Variants in GCC2 observed in about 807,000 individuals in gnomAD.
GCC2 encodes the protein GRIP and coiled-coil domain-containing protein 2.
Under a neutral mutation model 210.6 loss-of-function variants are expected in GCC2, and 120 were observed. That is an observed-to-expected ratio of 0.57 (90% confidence interval 0.49 to 0.66). The LOEUF (loss-of-function observed/expected upper bound fraction) is 0.66. GCC2 is among the 30% of genes least tolerant of loss of function. The pLI is 0.00. For synonymous variants in GCC2, 703 were observed against 652.7 expected (o/e 1.08, Z -1.17); for missense variants, 1,868 against 1,871.9 (o/e 1.00, Z 0.04).
intron 4 of GCC2, among the ~76,000 whole-genome samples, chr2:108,452,814 C>T (rs578087650): frequency 2.5e-4 from 38 of 151,624 alleles, no homozygotes; most frequent in African/African-American, 9.0e-4. Flanking sequence ...CTGCCTCAGC[C>T]TTCCAAATAG....
At chr2:108,475,908 TAAGAAATGTA>T (rs1192109649) in intron 9 of GCC2, 58 bp downstream of exon 9, 2 of 872,650 alleles carry the variant, frequency 2.3e-6, no homozygotes, top group Non-Finnish European at 3.6e-6. Flanking sequence ...ACTTCTAAGT[TAAGAAATGTA>T]GTGGAAATGT....
At chr2:108,452,504 A>G in intron 4 of GCC2, 38 bp downstream of exon 4, 1 of 1,205,394 alleles carries the variant, frequency 8.3e-7, no homozygotes, top group Non-Finnish European at 1.2e-6. Flanking sequence ...AGAGAAATAA[A>G]ATTTCCCTGA....
intron 9 of GCC2, among the ~76,000 whole-genome samples, chr2:108,476,602 C>T (rs1681538633): frequency 1.3e-5 from 2 of 151,848 alleles, no homozygotes; most frequent in South Asian, 4.2e-4. Context: ...AGTATGTTTA[C>T]CTTAGTAACA....
chr2:108,478,376 AAC>A (rs1422335490), intron 9 of GCC2, among the ~76,000 whole-genome samples: 21 of 152,232 alleles, frequency 1.4e-4, no homozygotes, highest in Admixed American at 1.3e-3. Flanking sequence ...CACTTTTAAA[AAC>A]ACATGTACCT....
Position 108,483,144 on chromosome 2 carries a change from A to G in GCC2, c.3428A>G (p.Gln1143Arg), listed in dbSNP as rs2104478732. The stretch of plus-strand genomic sequence containing the variant: ...AAGAAACAGCTTCAGAAAACCATGC[A>G]AGAATTAGAGCTGGTTAAAAAGGTA... ...KQKKQLQKTM[Q>R]ELELVKKDAQ... The change falls in exon 12 of 23, where the codon CAA (glutamine) becomes CGA (arginine). Residue 1143 changes from glutamine (Q) to arginine (R), a missense_variant. Physicochemically the swap from Gln to Arg is conservative, Grantham distance 43 (BLOSUM62 1). Around this residue, in one of 3 missense-constraint regions of GCC2, gnomAD observed 1,847 missense variants for 1,765.2 expected, o/e 1.05. Transcript: ENST00000309863. The G allele has an allele frequency of 2.0e-6, 3 of 1,537,516 alleles. No individual in the cohort carries two copies. The highest frequency in any genetic ancestry group is 2.2e-5 in the South Asian group (2 of 89,344).
At position 108,488,818 on chromosome 2, in the gene GCC2, A is replaced by C. The variant is rs112145586; in HGVS notation, c.4052+998A>C. ...ATTATTCTGAAATTTTTGTATGTTT[A>C]TGTTTCTGTTACTTTCATTTAGGAA... On this transcript the variant is annotated intron_variant, in intron 17 of 22. Coordinates refer to ENST00000309863, the MANE Select transcript of GCC2 (RefSeq NM_181453.4). Among the ~76,000 whole-genome samples, 615 of 152,270 alleles carry C rather than the reference A, an allele frequency of 4.0e-3. 4 individuals carry two copies. The highest frequency in any genetic ancestry group is 0.014 in the African/African-American group (577 of 41,544).
chr2:108,478,236 CTT>C (rs199561350), intron 9 of GCC2, among the ~76,000 whole-genome samples: 5 of 98,110 alleles, frequency 5.1e-5, no homozygotes, highest in Non-Finnish European at 1.1e-4. Flanking sequence ...CATACTAATT[CTT>C]TGTCATGTAT....
At chr2:108,497,897 T>C (rs3872546) in intron 21 of GCC2, among the ~76,000 whole-genome samples, 3 of 152,208 alleles carry the variant, frequency 2.0e-5, no homozygotes, top group East Asian at 1.9e-4. Flanking sequence ...GAACAAAATT[T>C]AAACCCATAG....
intron 4 of GCC2, among the ~76,000 whole-genome samples, chr2:108,456,023 C>T (rs910485769): frequency 1.3e-5 from 2 of 151,788 alleles, no homozygotes; most frequent in East Asian, 1.9e-4. Flanking sequence ...CTTGCTCTGT[C>T]GCCCAGGCTG....
At chr2:108,484,663 T>G (rs1682038030) in intron 13 of GCC2, 1 of 153,102 alleles carries the variant, frequency 6.5e-6, no homozygotes, top group African/African-American at 2.4e-5. Context: ...CCCAGCACCA[T>G]TTATTAAATA....
chr2:108,489,782 A>G, intron 17 of GCC2, 56 bp from the exon 18 acceptor site: 1 of 1,254,546 alleles, frequency 8.0e-7, no homozygotes, highest in East Asian at 2.5e-5. Context: ...ATTTAAAACC[A>G]CAAAATCAAA....
At chr2:108,506,876 A>G (rs11123701) in intron 22 of GCC2, among the ~76,000 whole-genome samples, 58,023 of 151,656 alleles carry the variant, frequency 0.38, 12,679 homozygotes, top group East Asian at 0.89. Context: ...TCAGAATAGA[A>G]GAAGAATTTC....
chr2:108,473,043 C>T, intron 7 of GCC2, 144 bp downstream of exon 7: 1 of 526,078 alleles, frequency 1.9e-6, no homozygotes, highest in South Asian at 2.9e-5. Context: ...CACATTCTTG[C>T]CCCTCTAACA....
intron 3 of GCC2, among the ~76,000 whole-genome samples, chr2:108,451,918 A>G (rs950468060): frequency 3.0e-4 from 42 of 138,340 alleles, no homozygotes; most frequent in African/African-American, 1.1e-3. Context: ...ATCTCGGCTT[A>G]CTGCAACCTC....
Position 108,470,992 on chromosome 2 carries a change from C to T in GCC2, c.1663C>T (p.Pro555Ser), listed in dbSNP as rs763988821. The stretch of plus-strand genomic sequence containing the variant: ...GTTACTATCTCAACAAGAATTGGTA[C>T]CAGAACTTGAAAATACCATAAAGAA... The part of the protein sequence containing the change: ...EKLLSQQELV[P>S]ELENTIKNLQ... Residue 555 changes from proline to serine, a missense_variant, in exon 6 of 23, where the codon CCA becomes TCA. Transcript: ENST00000309863. 6.2e-7 allele frequency: 1 copy of T among 1,612,828 alleles called. No individual in the cohort carries two copies. The highest frequency in any genetic ancestry group is 8.5e-7 in the Non-Finnish European group (1 of 1,179,312).
At position 108,474,537 on chromosome 2, in the gene GCC2, C is replaced by T. The variant is rs150458451; in HGVS notation, c.2861-998C>T. On this transcript the variant is annotated intron_variant, in intron 7 of 22. Transcript: ENST00000309863. ...AAATGGGGGAGGCAATGTTTGAGAG[C>T]ATATATAGACAACTCTTTTCAAGGG... is the stretch of plus-strand genomic sequence containing the variant. Among the ~76,000 whole-genome samples, 26 of 152,154 alleles carry T rather than the reference C, an allele frequency of 1.7e-4. No homozygotes were observed. In the East Asian group the frequency reaches 4.4e-3, roughly 26 times the overall value.
At position 108,487,801 on chromosome 2, in the gene GCC2, G is replaced by C. The variant is rs141811180; in HGVS notation, c.4033G>C (p.Glu1345Gln). 69 of 1,612,854 alleles carry C rather than the reference G, an allele frequency of 4.3e-5. No homozygotes were observed. The highest frequency in any genetic ancestry group is 5.3e-5 in the Non-Finnish European group (63 of 1,179,600). The change falls in exon 17 of 23, where the codon GAG becomes CAG. Residue 1345 changes from glutamate (E) to glutamine (Q), a missense_variant. By Grantham distance (29) the Glu-to-Gln change is conservative (BLOSUM62 2). This residue lies in a region of GCC2 where 1,847 missense variants were observed against 1,765.2 expected (regional missense o/e 1.05). Coordinates refer to ENST00000309863, the MANE Select transcript of GCC2 (RefSeq NM_181453.4). ...TAAATCTATGTCTCAGGCTGAAACT[G>C]AGGGCGCTAAACAAGAAAGGTAAAG... ...KNKSMSQAET[E>Q]GAKQEREHLE...
chr2:108,488,302 G>C (rs1426456249), intron 17 of GCC2, among the ~76,000 whole-genome samples: 1 of 152,096 alleles, frequency 6.6e-6, no homozygotes, highest in Non-Finnish European at 1.5e-5. Flanking sequence ...GACAGTAACA[G>C]GGAAACTTCA....
At chr2:108,474,730 T>C (rs1681419700) in intron 7 of GCC2, 1 of 152,200 alleles carries the variant, frequency 6.6e-6, no homozygotes. Flanking sequence ...GCTTTCACTA[T>C]TTGTTCCTGG....
Sources: allele counts gnomAD v4.1 joint callset (sites outside exome capture counted in the v4.1 genomes callset), GRCh38; gene constraint gnomAD v4.1.1; regional missense constraint gnomAD v4.1.1; transcripts MANE v1.5; gene names NCBI Gene and HGNC (gene_info 2026-07-23, HGNC 2026-07-21).